The following PPP6R3 variants were observed in gnomAD, a reference collection of about 807,000 sequenced individuals.
The protein encoded by PPP6R3 is protein phosphatase 6 regulatory subunit 3.
In PPP6R3, 38 loss-of-function variants were observed where a neutral mutation model predicts 110.7. That is an observed-to-expected ratio of 0.34 (90% confidence interval 0.26 to 0.45). PPP6R3 has a LOEUF of 0.45. Ranked by LOEUF, PPP6R3 falls within the 20% of genes least tolerant of loss-of-function variation. The pLI, the probability that PPP6R3 is intolerant of heterozygous loss-of-function variation, is 1.00. For synonymous variants in PPP6R3, 369 were observed against 373.5 expected, an observed-to-expected ratio of 0.99 and a Z score of 0.14; for missense variants, 870 against 1,062.4, an observed-to-expected ratio of 0.82 and a Z score of 2.52.
chr11:68,490,106 C>G (rs1433208358), intron 1 of PPP6R3, among the ~76,000 whole-genome samples: 1 of 152,130 alleles, frequency 6.6e-6, no homozygotes, highest in African/African-American at 2.4e-5. Context: ...CATTTTCCTT[C>G]TTTCTGAAAT....
Position 68,564,403 on chromosome 11 carries a change from T to C in PPP6R3, c.946T>C (p.Phe316Leu), listed in dbSNP as rs2099447757. The C allele has an allele frequency of 6.2e-7, 1 of 1,614,114 alleles. No homozygotes were observed. The highest frequency in any genetic ancestry group is 1.3e-5 in the African/African-American group (1 of 75,058). Reference protein sequence around the residue: ...LEAIRGRLGSFHELLLEPPKK... With the variant: ...LEAIRGRLGSLHELLLEPPKK... ...AGCCATCAGAGGAAGACTTGGATCT[T>C]TTCATGAACTCCTGCTGGAGCCACC... Residue 316 changes from phenylalanine (F) to leucine (L), a missense_variant, in exon 9 of 24, where the codon TTT (phenylalanine) becomes CTT (leucine). Transcript: ENST00000393800.
intron 15 of PPP6R3, chr11:68,587,704 C>T: frequency 1.7e-6 from 1 of 605,592 alleles, no homozygotes; most frequent in East Asian, 3.0e-5. Context: ...GTGTTTCTTA[C>T]AGTGACATGT....
intron 19 of PPP6R3, 77 bp downstream of exon 19, chr11:68,596,295 C>A: frequency 1.3e-6 from 2 of 1,574,452 alleles, no homozygotes; most frequent in South Asian, 2.2e-5. Context: ...AGGAGCAGTT[C>A]ACAGCATCTG....
intron 18 of PPP6R3, among the ~76,000 whole-genome samples, chr11:68,595,331 TCAGC>T (rs2099610742): frequency 6.8e-6 from 1 of 146,962 alleles, no homozygotes; most frequent in African/African-American, 2.5e-5. Flanking sequence ...TTCTCCTGCC[TCAGC>T]CTCTGGAGTA....
Position 68,460,842 on chromosome 11 carries a change from G to T in PPP6R3, c.-158+15G>T, listed in dbSNP as rs1010244578. ...GGCACCTCCAGGTAATGGGGGTAGG[G>T]GAGGCGCCGGAGCAGGCCGCGGCGC... is the stretch of plus-strand genomic sequence containing the variant. On this transcript the variant is annotated intron_variant, in intron 1 of 23. Coordinates refer to ENST00000393800, the MANE Select transcript of PPP6R3 (RefSeq NM_001164161.2). 6.6e-6 allele frequency: 1 copy of T among 152,358 alleles called. No individual in the cohort carries two copies. The highest frequency in any genetic ancestry group is 1.5e-5 in the Non-Finnish European group (1 of 68,200). The allele number at this position is 152,358 out of a possible 1,614,324, so 9.4% of individuals were successfully genotyped here. A position where few individuals can be genotyped will look rare whatever the true frequency, so the allele number is the denominator to read the frequency against.
intron 1 of PPP6R3, among the ~76,000 whole-genome samples, chr11:68,463,669 C>T (rs1278524242): frequency 6.6e-6 from 1 of 152,210 alleles, no homozygotes; most frequent in East Asian, 1.9e-4. Flanking sequence ...GTCTGCACCC[C>T]AGTATTGGCT....
chr11:68,499,719 C>A (rs554305627), intron 1 of PPP6R3, among the ~76,000 whole-genome samples: 13 of 151,980 alleles, frequency 8.6e-5, no homozygotes, highest in African/African-American at 3.1e-4. Context: ...CCCACAGTTG[C>A]GCGCACCACC....
At chr11:68,573,117 TATATATATATATATA>T (rs2099514921) in intron 12 of PPP6R3, among the ~76,000 whole-genome samples, 1 of 23,670 alleles carries the variant, frequency 4.2e-5, no homozygotes, top group Non-Finnish European at 9.6e-5. Context: ...ACTTATTTTA[TATATATATATATATA>T]TATATATATA....
chr11:68,481,273 ACT>A (rs1431686414), intron 1 of PPP6R3, among the ~76,000 whole-genome samples: 1 of 152,100 alleles, frequency 6.6e-6, no homozygotes, highest in African/African-American at 2.4e-5. Context: ...ATTTTGTGAC[ACT>A]CTGGTGGCAA....
In PPP6R3 at chr11:68,603,504, T is replaced by C; in HGVS notation, c.2450+12T>C. ...GCGGTCTTCAAAAGGTAACCAGGGG[T>C]GAGATCCTGCTGGTAGCTTCAGGTT... On this transcript the variant is annotated intron_variant, in intron 22 of 23. Coordinates refer to ENST00000393800, the MANE Select transcript of PPP6R3 (RefSeq NM_001164161.2). The C allele has an allele frequency of 6.2e-7, 1 of 1,613,872 alleles. No individual in the cohort carries two copies. The highest frequency in any genetic ancestry group is 8.5e-7 in the Non-Finnish European group (1 of 1,179,880).
At chr11:68,552,460 T>C (rs145280386) in intron 6 of PPP6R3, among the ~76,000 whole-genome samples, 1 of 152,244 alleles carries the variant, frequency 6.6e-6, no homozygotes, top group African/African-American at 2.4e-5. Flanking sequence ...TATCCCTCTT[T>C]GGGAGAATGC....
chr11:68,583,041 A>G lies in PPP6R3; in HGVS notation c.1546-2A>G. ...TAGTCTTTTACATTTTTATGCATAT[A>G]GGTTACAACCTGCCATATTCATTCA... On this transcript the variant is annotated splice_acceptor_variant, in intron 14 of 23. Transcript: ENST00000393800. LOFTEE classifies it high-confidence loss of function. 6.6e-7 allele frequency: 1 copy of G among 1,514,308 alleles called. No homozygotes were observed. The highest frequency in any genetic ancestry group is 8.9e-7 in the Non-Finnish European group (1 of 1,124,268). 93.8% of individuals were successfully genotyped at this position (1,514,308 alleles called of 1,614,324 possible).
intron 1 of PPP6R3, among the ~76,000 whole-genome samples, chr11:68,494,157 G>A (rs1259099563): frequency 2.7e-5 from 4 of 149,616 alleles, no homozygotes; most frequent in Admixed American, 6.6e-5. Flanking sequence ...TTTGTAACAC[G>A]AAGAAAGGAT....
intron 2 of PPP6R3, among the ~76,000 whole-genome samples, chr11:68,527,078 G>A (rs1280691825): frequency 6.6e-6 from 1 of 152,132 alleles, no homozygotes; most frequent in Non-Finnish European, 1.5e-5. Context: ...GTATTTCCCA[G>A]ACAGCTTAGA....
chr11:68,493,743 C>T (rs2098998241), intron 1 of PPP6R3, among the ~76,000 whole-genome samples: 1 of 151,280 alleles, frequency 6.6e-6, no homozygotes, highest in Non-Finnish European at 1.5e-5. Flanking sequence ...AGGCGTGAGC[C>T]ACTGCACCTG....
At chr11:68,609,809 A>G (rs1942437752) in intron 22 of PPP6R3, 95 bp from the exon 23 acceptor site, 1 of 1,590,846 alleles carries the variant, frequency 6.3e-7, no homozygotes, top group Middle Eastern at 1.7e-4. Flanking sequence ...CGCGGCAGTC[A>G]TGACTCCAGA....
At chr11:68,476,037 C>A (rs971540613) in intron 1 of PPP6R3, among the ~76,000 whole-genome samples, 1 of 151,634 alleles carries the variant, frequency 6.6e-6, no homozygotes, top group African/African-American at 2.4e-5. Context: ...CAGGCAGAGA[C>A]GCTCCTCACT....
intron 16 of PPP6R3, 41 bp downstream of exon 16, chr11:68,588,065 C>A: frequency 6.6e-7 from 1 of 1,518,210 alleles, no homozygotes; most frequent in Non-Finnish European, 9.2e-7. Context: ...TCTTGCACAC[C>A]CTTGCTCTTG....
At chr11:68,481,154 A>C (rs1227048158) in intron 1 of PPP6R3, among the ~76,000 whole-genome samples, 1 of 152,198 alleles carries the variant, frequency 6.6e-6, no homozygotes, top group East Asian at 1.9e-4. Context: ...TTTATACATA[A>C]AAAAATATTA....
Sources: gnomAD v4.1 joint callset for allele counts (sites outside exome capture counted in the v4.1 genomes callset) on GRCh38, gnomAD v4.1.1 for gene constraint, MANE v1.5 for transcripts, NCBI Gene and HGNC (gene_info 2026-07-23, HGNC 2026-07-21) for gene names.